CLMN: variants seen among roughly 807,000 people sequenced by gnomAD.
CLMN encodes calmin (calponin-like, transmembrane).
Under a neutral mutation model 92.7 loss-of-function variants are expected in CLMN, and 57 were observed. The ratio of observed to expected loss-of-function variants is 0.61; its 90% CI spans 0.50 to 0.77. The LOEUF (loss-of-function observed/expected upper bound fraction) is 0.77, where lower values mean the gene tolerates loss of function less well. Ranked by LOEUF, CLMN falls within the 30% of genes least tolerant of loss-of-function variation. The probability of loss-of-function intolerance (pLI) is 0.00; values close to 1 mark genes in which losing one functional copy is unlikely to be tolerated. For missense variants in CLMN, 1,158 were observed against 1,237.5 expected, an observed-to-expected ratio of 0.94 and a Z score of 0.96; for synonymous variants, 466 against 470.6, an observed-to-expected ratio of 0.99 and a Z score of 0.13.
At chr14:95,311,124 C>T (rs781278315) in intron 1 of CLMN, among the ~76,000 whole-genome samples, 61 of 152,048 alleles carry the variant, frequency 4.0e-4, no homozygotes, top group African/African-American at 1.4e-3. Flanking sequence ...TGACGGGACA[C>T]GGGAGGCGAG....
intron 1 of CLMN, among the ~76,000 whole-genome samples, chr14:95,245,797 T>TGGATGGAG: frequency 1.1e-5 from 1 of 90,880 alleles, no homozygotes; most frequent in Admixed American, 9.1e-5. Flanking sequence ...GTTGGATTAT[T>TGGATGGAG]GGATGGATGG....
chr14:95,301,544 T>C (rs530966084), intron 1 of CLMN, among the ~76,000 whole-genome samples: 2 of 152,208 alleles, frequency 1.3e-5, no homozygotes, highest in Admixed American at 6.5e-5. Context: ...CAGGGTGAAA[T>C]GGCTGCAAGG....
chr14:95,286,388 A>G (rs1331650704), intron 1 of CLMN, among the ~76,000 whole-genome samples: 1 of 152,250 alleles, frequency 6.6e-6, no homozygotes, highest in Admixed American at 6.5e-5. Flanking sequence ...CACAGGTTAC[A>G]TATTATCTGC....
At position 95,209,388 on chromosome 14, in the gene CLMN, A is replaced by C. The variant is rs1207419244; in HGVS notation, c.885+7T>G. ...GTCGGAATTAAAGGTAAGAAAAGCA[A>C]ACATACGGCTTCCAACTCCGGAAAA... On this transcript the variant is annotated splice_region_variant and intron_variant, in intron 8 of 12. Transcript: ENST00000298912. The C allele has an allele frequency of 6.2e-7, 1 of 1,613,680 alleles. No homozygotes were observed. The highest frequency in any genetic ancestry group is 8.5e-7 in the Non-Finnish European group (1 of 1,179,738).
chr14:95,241,832 T>C (rs1439528813), intron 1 of CLMN, among the ~76,000 whole-genome samples: 1 of 152,172 alleles, frequency 6.6e-6, no homozygotes, highest in Non-Finnish European at 1.5e-5. Context: ...TGCACGCCTG[T>C]GTGTGTGCGT....
chr14:95,213,967 G>A (rs1466091990), intron 5 of CLMN, among the ~76,000 whole-genome samples: 1 of 152,070 alleles, frequency 6.6e-6, no homozygotes, highest in Non-Finnish European at 1.5e-5. Flanking sequence ...TGAAAGATGA[G>A]TAGGAGGTCT....
At chr14:95,258,479 T>C (rs971778394) in intron 1 of CLMN, among the ~76,000 whole-genome samples, 1 of 148,762 alleles carries the variant, frequency 6.7e-6, no homozygotes, top group African/African-American at 2.5e-5. Context: ...GTGTGGTATA[T>C]GCATCTGTGG....
rs1222333642 is a variant in CLMN at position 95,189,419 on chromosome 14, T to C, written c.*2145A>G. On this transcript the variant is annotated 3_prime_UTR_variant, in exon 13 of 13. Coordinates refer to ENST00000298912, the MANE Select transcript of CLMN (RefSeq NM_024734.4). ...TGCAGACTTCCACATCCATTTTCTA[T>C]ATCCAGCTTCTTCCATAGAAGCCTA... The C allele has an allele frequency of 6.6e-6, 1 of 152,264 alleles. No homozygotes were observed. The highest frequency in any genetic ancestry group is 6.5e-5 in the Admixed American group (1 of 15,288). 9.4% of individuals were successfully genotyped at this position (152,264 alleles called of 1,614,324 possible).
chr14:95,301,585 T>C (rs1349331365), intron 1 of CLMN, among the ~76,000 whole-genome samples: 1 of 152,206 alleles, frequency 6.6e-6, no homozygotes, highest in African/African-American at 2.4e-5. Flanking sequence ...ACTTCATTAT[T>C]AATGAGGACC....
At chr14:95,238,284 A>C (rs1898124833) in intron 1 of CLMN, among the ~76,000 whole-genome samples, 1 of 152,234 alleles carries the variant, frequency 6.6e-6, no homozygotes, top group Non-Finnish European at 1.5e-5. Flanking sequence ...TTGAGAAATA[A>C]AACTCAGAAA....
chr14:95,290,885 G>T (rs1207644340), intron 1 of CLMN, among the ~76,000 whole-genome samples: 1 of 152,138 alleles, frequency 6.6e-6, no homozygotes, highest in Non-Finnish European at 1.5e-5. Context: ...GTTCTATGAA[G>T]GGTGGTAGCC....
chr14:95,278,509 C>T (rs944522440), intron 1 of CLMN, among the ~76,000 whole-genome samples: 2 of 152,046 alleles, frequency 1.3e-5, no homozygotes, highest in Admixed American at 6.6e-5. Context: ...AAGGTGCCAC[C>T]GATCCCGTTT....
intron 1 of CLMN, among the ~76,000 whole-genome samples, chr14:95,245,224 A>T (rs866709589): frequency 3.9e-4 from 11 of 28,336 alleles, no homozygotes; most frequent in South Asian, 2.1e-3. Flanking sequence ...ATATATATAT[A>T]TTATATATAT....
At chr14:95,193,152 A>G in intron 12 of CLMN, 2 of 554,824 alleles carry the variant, frequency 3.6e-6, no homozygotes, top group Non-Finnish European at 6.3e-6. Flanking sequence ...AATTTTTTAA[A>G]AATAAAAACA....
chr14:95,220,199 CAA>C (rs1451964009), intron 4 of CLMN, among the ~76,000 whole-genome samples: 7 of 64,560 alleles, frequency 1.1e-4, no homozygotes, highest in Non-Finnish European at 2.0e-4. Context: ...TTTTTTGAGA[CAA>C]AGTCTCGCTC....
intron 5 of CLMN, among the ~76,000 whole-genome samples, chr14:95,215,103 A>G (rs1028796211): frequency 1.3e-5 from 2 of 152,222 alleles, no homozygotes; most frequent in African/African-American, 4.8e-5. Flanking sequence ...TTAAAGTATA[A>G]CAATAAAAAA....
intron 1 of CLMN, among the ~76,000 whole-genome samples, chr14:95,288,756 C>G (rs1900440847): frequency 6.6e-6 from 1 of 152,116 alleles, no homozygotes; most frequent in African/African-American, 2.4e-5. Context: ...AAAGACATGC[C>G]CAAGAGTGTT....
intron 8 of CLMN, among the ~76,000 whole-genome samples, chr14:95,208,507 T>C (rs1361623539): frequency 1.1e-4 from 17 of 152,194 alleles, no homozygotes; most frequent in Admixed American, 1.1e-3. Flanking sequence ...GTAACATTGA[T>C]AAAAATCTGG....
chr14:95,196,524 G>C lies in CLMN; in HGVS notation c.2682C>G (p.Asp894Glu), dbSNP rs1436729716. ...SVQSSDDLEE[D>E]SSDYSIPSRT... ...TGGAAGGAATGCTGTAGTCGCTACTGTCTTCTTCTAGGTCATCTGAGGATT... is the reference window on the plus strand; with the variant it reads ...TGGAAGGAATGCTGTAGTCGCTACTCTCTTCTTCTAGGTCATCTGAGGATT... Residue 894 changes from aspartate to glutamate, a missense_variant, in exon 10 of 13, where the codon GAC becomes GAG. Coordinates refer to ENST00000298912, the MANE Select transcript of CLMN (RefSeq NM_024734.4). The C allele has an allele frequency of 3.1e-6, 5 of 1,613,276 alleles. No homozygotes were observed. Among genetic ancestry groups the C allele is most frequent in the Non-Finnish European group, 3.4e-6 (4 of 1,179,834 alleles).
Sources: gnomAD v4.1 joint callset for allele counts (sites outside exome capture counted in the v4.1 genomes callset) on GRCh38, gnomAD v4.1.1 for gene constraint, MANE v1.5 for transcripts, NCBI Gene and HGNC (gene_info 2026-07-23, HGNC 2026-07-21) for gene names.